NIPSNAP2: variants seen among roughly 807,000 people sequenced by gnomAD.
NIPSNAP2 encodes protein NipSnap homolog 2.
NIPSNAP2 carries 42 observed loss-of-function variants against 48.4 expected under a neutral mutation model. The ratio of observed to expected loss-of-function variants is 0.87; its 90% CI spans 0.68 to 1.12. The LOEUF (loss-of-function observed/expected upper bound fraction) is 1.12. Among genes scored for constraint, NIPSNAP2 ranks in the 50% most tolerant of loss-of-function variants. The pLI, the probability that NIPSNAP2 is intolerant of heterozygous loss-of-function variation, is 0.00. For missense variants in NIPSNAP2, 314 were observed against 347.3 expected, an observed-to-expected ratio of 0.90 and a Z score of 0.76; for synonymous variants, 158 against 126.6, an observed-to-expected ratio of 1.25 and a Z score of -1.67.
At chr7:55,966,806 T>C (rs887068712) in intron 1 of NIPSNAP2, among the ~76,000 whole-genome samples, 2 of 151,702 alleles carry the variant, frequency 1.3e-5, no homozygotes, top group Middle Eastern at 3.4e-3. Context: ...CAAAAAAATA[T>C]AGGAATGTGT....
chr7:55,988,649 A>G (rs1787380494), intron 7 of NIPSNAP2, among the ~76,000 whole-genome samples: 1 of 152,110 alleles, frequency 6.6e-6, no homozygotes, highest in African/African-American at 2.4e-5. Flanking sequence ...ACCTGAGGTC[A>G]AGAATTCGAG....
chr7:55,996,771 G>A (rs1210287148), intron 8 of NIPSNAP2, among the ~76,000 whole-genome samples: 7 of 151,998 alleles, frequency 4.6e-5, no homozygotes, highest in African/African-American at 1.7e-4. Flanking sequence ...CTCACGCCTC[G>A]ATTCCCAGCA....
rs1207030238 is a variant in NIPSNAP2 at position 55,999,300 on chromosome 7, T to G, written c.*228T>G. ...TCGTCCTCTTTGAAACACCCCGTGT[T>G]GTCCAGTATACCTTATAACACTGAG... On this transcript the variant is annotated 3_prime_UTR_variant, in exon 10 of 10. Coordinates refer to ENST00000322090, the MANE Select transcript of NIPSNAP2 (RefSeq NM_001483.3). The G allele has an allele frequency of 3.6e-6, 2 of 548,784 alleles. No individual in the cohort carries two copies. The highest frequency in any genetic ancestry group is 6.4e-6 in the Non-Finnish European group (2 of 311,620). The allele number at this position is 548,784 out of a possible 1,614,324, so 34.0% of individuals were successfully genotyped here.
chr7:55,984,855 C>G lies in NIPSNAP2; in HGVS notation c.594C>G (p.Thr198=), dbSNP rs1787295232. The change falls in exon 7 of 10, where the codon ACC becomes ACG. Residue 198 remains threonine, a synonymous_variant. Coordinates refer to ENST00000322090, the MANE Select transcript of NIPSNAP2 (RefSeq NM_001483.3). ...TCTAAATCTGTTTTCAGCCAGGAACCATGATTGAATGGGGCAATTACTGGT... is the reference window on the plus strand; with the variant it reads ...TCTAAATCTGTTTTCAGCCAGGAACGATGATTGAATGGGGCAATTACTGGT... The part of the protein sequence containing the change: ...ELRSYQLRPG[T]MIEWGNYWAR... 6 of 1,609,760 alleles carry G rather than the reference C, an allele frequency of 3.7e-6. No individual in the cohort carries two copies. In the East Asian group the frequency reaches 1.3e-4, roughly 36 times the overall value.
intron 1 of NIPSNAP2, among the ~76,000 whole-genome samples, chr7:55,972,968 G>A (rs1472991270): frequency 1.3e-5 from 2 of 152,056 alleles, no homozygotes; most frequent in African/African-American, 4.8e-5. Context: ...GTTGGATGTG[G>A]TGCTGGGCAC....
At chr7:55,998,776 G>A (rs1435608432) in intron 9 of NIPSNAP2, among the ~76,000 whole-genome samples, 5 of 152,126 alleles carry the variant, frequency 3.3e-5, no homozygotes, top group Non-Finnish European at 7.4e-5. Context: ...TGGGATTACA[G>A]GTGATCTGCG....
chr7:55,995,217 T>A (rs547714642), intron 8 of NIPSNAP2, among the ~76,000 whole-genome samples: 2 of 148,346 alleles, frequency 1.3e-5, no homozygotes, highest in South Asian at 4.4e-4. Flanking sequence ...GGGAAAGGAA[T>A]AAGGGGTAAA....
At chr7:55,969,040 C>G (rs1181287588) in intron 1 of NIPSNAP2, among the ~76,000 whole-genome samples, 1 of 149,136 alleles carries the variant, frequency 6.7e-6, no homozygotes, top group African/African-American at 2.4e-5. Context: ...GAACAAGGCC[C>G]TGTCTGAAAA....
At chr7:55,990,770 T>C (rs986232040) in intron 7 of NIPSNAP2, among the ~76,000 whole-genome samples, 3 of 151,378 alleles carry the variant, frequency 2.0e-5, no homozygotes, top group South Asian at 2.1e-4. Flanking sequence ...CTTCAACTTA[T>C]ATCTTTTCTT....
intron 9 of NIPSNAP2, among the ~76,000 whole-genome samples, 169 bp from the exon 10 acceptor site, chr7:55,998,839 C>T (rs775273247): frequency 6.6e-6 from 1 of 152,128 alleles, no homozygotes; most frequent in Non-Finnish European, 1.5e-5. Context: ...GCAGCTGATA[C>T]AGGGTCCGCT....
At chr7:55,987,710 G>C (rs1584348245) in intron 7 of NIPSNAP2, among the ~76,000 whole-genome samples, 1 of 152,152 alleles carries the variant, frequency 6.6e-6, no homozygotes, top group South Asian at 2.1e-4. Context: ...TGAAATAAGA[G>C]GACAAATAGT....
intron 7 of NIPSNAP2, among the ~76,000 whole-genome samples, chr7:55,986,988 A>T (rs1203601431): frequency 7.4e-6 from 1 of 134,472 alleles, no homozygotes; most frequent in African/African-American, 2.5e-5. Context: ...CTCTATAAAA[A>T]AAAAAAAAAA....
intron 1 of NIPSNAP2, among the ~76,000 whole-genome samples, chr7:55,966,374 C>T (rs897664890): frequency 6.6e-6 from 1 of 152,084 alleles, no homozygotes; most frequent in Non-Finnish European, 1.5e-5. Context: ...TGGAAGGTTG[C>T]GGCAGGAGGA....
chr7:55,987,049 G>A (rs1223393767), intron 7 of NIPSNAP2, among the ~76,000 whole-genome samples: 3 of 149,290 alleles, frequency 2.0e-5, no homozygotes, highest in Non-Finnish European at 4.4e-5. Flanking sequence ...TGTAGTCTCA[G>A]CTATTCAGGA....
intron 1 of NIPSNAP2, among the ~76,000 whole-genome samples, chr7:55,974,492 C>T (rs1254448187): frequency 6.6e-6 from 1 of 151,706 alleles, no homozygotes; most frequent in East Asian, 1.9e-4. Flanking sequence ...TCTTTCTTTT[C>T]CTCTTAATGT....
intron 1 of NIPSNAP2, among the ~76,000 whole-genome samples, chr7:55,974,770 C>T (rs576545116): frequency 6.6e-6 from 1 of 151,350 alleles, no homozygotes; most frequent in African/African-American, 2.4e-5. Flanking sequence ...ATGGCGTGAA[C>T]CTGGGAGGCG....
chr7:55,985,959 A>C (rs1340754235), intron 7 of NIPSNAP2, among the ~76,000 whole-genome samples: 1 of 151,094 alleles, frequency 6.6e-6, no homozygotes, highest in Non-Finnish European at 1.5e-5. Flanking sequence ...GAGGCAGGAG[A>C]ATTGCTTGAA....
In NIPSNAP2 at chr7:55,999,024, A is replaced by T; in HGVS notation, c.813A>T (p.Glu271Asp). ...LVYYTVPLIQEMESRIMIPLK... is the reference protein window; with the variant it reads ...LVYYTVPLIQDMESRIMIPLK... ...TGTTTTCAGTTCCACTTATTCAGGA[A>T]ATGGAATCCAGAATCATGATCCCAC... Residue 271 changes from glutamate (E) to aspartate (D), a missense_variant, in exon 10 of 10, where the codon GAA becomes GAT. Physicochemically the swap from Glu to Asp is conservative, Grantham distance 45 (BLOSUM62 2). Transcript: ENST00000322090. 4 of 1,614,058 alleles carry T rather than the reference A, an allele frequency of 2.5e-6. No homozygotes were observed. Among genetic ancestry groups the T allele is most frequent in the Non-Finnish European group, 3.4e-6 (4 of 1,179,922 alleles).
chr7:55,983,308 G>A (rs1029919990), intron 5 of NIPSNAP2, among the ~76,000 whole-genome samples: 2 of 152,120 alleles, frequency 1.3e-5, no homozygotes, highest in African/African-American at 4.8e-5. Context: ...TTTGTCAATA[G>A]GGAGAAATTT....
Sources: gnomAD v4.1 joint callset for allele counts (sites outside exome capture counted in the v4.1 genomes callset) on GRCh38, gnomAD v4.1.1 for gene constraint, MANE v1.5 for transcripts, NCBI Gene and HGNC (gene_info 2026-07-23, HGNC 2026-07-21) for gene names.